FGFR2: variants seen among roughly 807,000 people sequenced by gnomAD.
FGFR2 encodes fibroblast growth factor receptor 2.
FGFR2 carries 19 observed loss-of-function variants against 95.9 expected under a neutral mutation model. The observed-to-expected ratio is 0.20, with a 90% CI of 0.14 to 0.29. The LOEUF (loss-of-function observed/expected upper bound fraction) is 0.29. Among genes scored for constraint, FGFR2 ranks in the 10% least tolerant of loss-of-function variants. FGFR2 has a pLI of 1.00. For synonymous variants in FGFR2, 392 were observed against 393.3 expected (o/e 1.00, Z 0.04); for missense variants, 707 against 1,056.9 (o/e 0.67, Z 4.59).
intron 4 of FGFR2, among the ~76,000 whole-genome samples, chr10:121,559,440 C>A (rs1856640306): frequency 6.6e-6 from 1 of 152,224 alleles, no homozygotes; most frequent in African/African-American, 2.4e-5. Flanking sequence ...TTCCTCTGTC[C>A]ACACAGACCA....
chr10:121,487,071 G>A (rs1025234072), intron 15 of FGFR2, among the ~76,000 whole-genome samples: 1 of 152,180 alleles, frequency 6.6e-6, no homozygotes, highest in Non-Finnish European at 1.5e-5. Context: ...TTAGATAACC[G>A]CTTTGTAGTT....
chr10:121,551,230 T>A (rs1048190680), intron 5 of FGFR2, 60 bp downstream of exon 5: 180 of 1,584,990 alleles, frequency 1.1e-4, no homozygotes, highest in Admixed American at 3.2e-4. Context: ...AAAAAAAAAA[T>A]GTAAATAAAT....
intron 4 of FGFR2, among the ~76,000 whole-genome samples, chr10:121,561,167 G>A (rs576058807): frequency 6.6e-6 from 1 of 152,160 alleles, no homozygotes; most frequent in African/African-American, 2.4e-5. Flanking sequence ...GCTCACACCT[G>A]TAATCCCAGC....
At chr10:121,490,107 A>G (rs964536889) in intron 13 of FGFR2, among the ~76,000 whole-genome samples, 2 of 151,262 alleles carry the variant, frequency 1.3e-5, no homozygotes, top group Admixed American at 6.6e-5. Context: ...TTGTCTTGAC[A>G]CTAACTCTTG....
chr10:121,559,153 G>A (rs111795358), intron 4 of FGFR2, among the ~76,000 whole-genome samples: 174 of 143,516 alleles, frequency 1.2e-3, no homozygotes, highest in African/African-American at 4.0e-3. Context: ...GCCCAAAAAC[G>A]TCACCATCAA....
intron 2 of FGFR2, among the ~76,000 whole-genome samples, chr10:121,575,021 C>G (rs544108195): frequency 6.6e-6 from 1 of 152,340 alleles, no homozygotes; most frequent in East Asian, 1.9e-4. Flanking sequence ...ACAGCCGCCT[C>G]TGCAGCGGTA....
chr10:121,490,154 C>CTTTTTT (rs55633189), intron 13 of FGFR2, among the ~76,000 whole-genome samples: 1 of 79,992 alleles, frequency 1.3e-5, no homozygotes, highest in African/African-American at 5.2e-5. Flanking sequence ...ACTTTTCCTT[C>CTTTTTT]TTTTTTTTTT....
chr10:121,498,655 G>A (rs771859603), intron 11 of FGFR2, 50 bp from the exon 12 acceptor site: 1 of 1,474,334 alleles, frequency 6.8e-7, no homozygotes, highest in Non-Finnish European at 9.5e-7. Flanking sequence ...TCTAACTCAT[G>A]GGCAGCTACT....
chr10:121,493,114 C>G (rs989160257), intron 13 of FGFR2, among the ~76,000 whole-genome samples: 4 of 152,188 alleles, frequency 2.6e-5, no homozygotes, highest in African/African-American at 4.8e-5. Flanking sequence ...CGTCCTCCCC[C>G]ATACAATGGG....
intron 9 of FGFR2, among the ~76,000 whole-genome samples, chr10:121,505,729 C>T (rs1186052839): frequency 6.6e-6 from 1 of 152,168 alleles, no homozygotes. Flanking sequence ...GTGAGCTAAC[C>T]TCGTCTGCGG....
intron 6 of FGFR2, among the ~76,000 whole-genome samples, chr10:121,520,721 C>A (rs1850419757): frequency 6.6e-6 from 1 of 152,186 alleles, no homozygotes; most frequent in African/African-American, 2.4e-5. Context: ...CGGCTCACTG[C>A]AGCCTCAGCC....
At chr10:121,511,625 A>G (rs2981457) in intron 9 of FGFR2, among the ~76,000 whole-genome samples, 106,015 of 152,052 alleles carry the variant, frequency 0.7, 37,737 homozygotes, top group East Asian at 0.94. Flanking sequence ...CTCGCTGGGC[A>G]CCAAAGGAGT....
rs767833333 is a variant in FGFR2 at position 121,503,773 on chromosome 10, C to G, written c.1439+17G>C. ...GCTGAGTCTCCATCCTGGGACATGG[C>G]CAAGAGAAGTACTCACTTATCTCTT... is the stretch of plus-strand genomic sequence containing the variant. On this transcript the variant is annotated intron_variant, in intron 10 of 17. Transcript: ENST00000358487. The G allele has an allele frequency of 6.2e-7, 1 of 1,613,924 alleles. No homozygotes were observed. Among genetic ancestry groups the G allele is most frequent in the Non-Finnish European group, 8.5e-7 (1 of 1,179,890 alleles).
chr10:121,567,540 C>T (rs1269565179), intron 2 of FGFR2, among the ~76,000 whole-genome samples: 1 of 152,218 alleles, frequency 6.6e-6, no homozygotes, highest in Non-Finnish European at 1.5e-5. Flanking sequence ...AAAGACCCTG[C>T]ACTTGTGGAG....
At chr10:121,583,777 C>G (rs1416928794) in intron 2 of FGFR2, among the ~76,000 whole-genome samples, 1 of 151,642 alleles carries the variant, frequency 6.6e-6, no homozygotes, top group Non-Finnish European at 1.5e-5. Context: ...AAAAATCCTC[C>G]TGCTCAGGAA....
intron 2 of FGFR2, among the ~76,000 whole-genome samples, chr10:121,585,093 T>A (rs752071794): frequency 2.6e-5 from 4 of 152,208 alleles, no homozygotes; most frequent in African/African-American, 9.7e-5. Context: ...CAAAATACAT[T>A]GTTCCTCATG....
At chr10:121,496,788 A>G (rs914026801) in intron 12 of FGFR2, 66 bp from the exon 13 acceptor site, 60 of 1,457,806 alleles carry the variant, frequency 4.1e-5, no homozygotes, top group Non-Finnish European at 5.4e-5. Context: ...CAATTCAGCA[A>G]AACATTTTTA....
intron 12 of FGFR2, 96 bp from the exon 13 acceptor site, chr10:121,496,818 T>A: frequency 9.3e-7 from 1 of 1,079,876 alleles, no homozygotes; most frequent in East Asian, 2.4e-5. Context: ...ACCCATGCTT[T>A]TTTTTTTTTT....
chr10:121,571,936 T>TC (rs1858835584), intron 2 of FGFR2, among the ~76,000 whole-genome samples: 1 of 144,116 alleles, frequency 6.9e-6, no homozygotes, highest in Non-Finnish European at 1.5e-5. Flanking sequence ...AGAGCAAAAC[T>TC]CCATCTCAAA....
Sources: gnomAD v4.1 joint callset for allele counts (sites outside exome capture counted in the v4.1 genomes callset) on GRCh38, gnomAD v4.1.1 for gene constraint, MANE v1.5 for transcripts, NCBI Gene and HGNC (gene_info 2026-07-23, HGNC 2026-07-21) for gene names.